INPP5A: variants seen among roughly 807,000 people sequenced by gnomAD.
The protein encoded by INPP5A is inositol polyphosphate-5-phosphatase A, also known as 43 kDa inositol polyphosphate 5-phophatase.
Under a neutral mutation model 65.2 loss-of-function variants are expected in INPP5A, and 14 were observed. That is an observed-to-expected ratio of 0.21 (90% CI 0.14 to 0.34). INPP5A has a LOEUF of 0.34. INPP5A is among the 10% of genes least tolerant of loss of function. The probability of loss-of-function intolerance (pLI) is 1.00; values close to 1 mark genes in which losing one functional copy is unlikely to be tolerated. For missense variants in INPP5A, 431 were observed against 545.6 expected (o/e 0.79, Z 2.09); for synonymous variants, 207 against 208.3 (o/e 0.99, Z 0.05).
At chr10:132,648,272 G>A (rs910893322) in intron 3 of INPP5A, among the ~76,000 whole-genome samples, 10 of 152,388 alleles carry the variant, frequency 6.6e-5, no homozygotes, top group Admixed American at 3.3e-4. Flanking sequence ...GAACGATGCC[G>A]CCGTGTTTGG....
chr10:132,580,228 A>G (rs572069450), intron 1 of INPP5A, among the ~76,000 whole-genome samples: 4 of 152,228 alleles, frequency 2.6e-5, no homozygotes, highest in South Asian at 4.1e-4. Context: ...TCTCACGTCA[A>G]ATTGTAACCC....
At chr10:132,588,645 T>A (rs1299700076) in intron 1 of INPP5A, among the ~76,000 whole-genome samples, 1 of 152,262 alleles carries the variant, frequency 6.6e-6, no homozygotes, top group East Asian at 1.9e-4. Flanking sequence ...CCTTAGCCTG[T>A]GCTGCGTCTA....
chr10:132,777,971 G>C, intron 13 of INPP5A, 189 bp downstream of exon 13: 1 of 1,400,780 alleles, frequency 7.1e-7, no homozygotes, highest in Admixed American at 2.9e-5. Flanking sequence ...CCAGCACCTG[G>C]GCTGGGGCAG....
chr10:132,630,322 A>C (rs1214065601), intron 2 of INPP5A, among the ~76,000 whole-genome samples: 1 of 150,238 alleles, frequency 6.7e-6, no homozygotes, highest in Non-Finnish European at 1.5e-5. Flanking sequence ...CTGTGAGGGG[A>C]GGGTGTCCTC....
rs572695132 is a variant in INPP5A at position 132,575,044 on chromosome 10, C to T, written c.76-32871C>T. Reference sequence around the variant, plus strand: ...CAGCATATGGTCTGCGGAGTCCTCCCGGGGGCTCCGGATTCGGGGTGTCCG... The same window carrying T: ...CAGCATATGGTCTGCGGAGTCCTCCTGGGGGCTCCGGATTCGGGGTGTCCG... On this transcript the variant is annotated intron_variant, in intron 1 of 15. Transcript: ENST00000368594. This position sits in a 1 kb window ranked among gnomAD's most constrained non-coding sequence, Gnocchi z 5.4. Among the ~76,000 whole-genome samples, 12 of 152,236 alleles carry T rather than the reference C, an allele frequency of 7.9e-5. No homozygotes were observed. The highest frequency in any genetic ancestry group is 4.1e-4 in the South Asian group (2 of 4,820).
chr10:132,640,760 T>C (rs73401245), intron 2 of INPP5A, among the ~76,000 whole-genome samples: 4,160 of 152,348 alleles, frequency 0.027, 79 homozygotes, highest in African/African-American at 0.046. Flanking sequence ...TGTCTCTGTA[T>C]ACCTTCTTTT....
In INPP5A at chr10:132,674,531, G is replaced by A. The variant is rs1195322046; in HGVS notation, c.307-15861G>A. ...CAGCTGATCATAGGGAACTTCCCAT[G>A]AGGCCATCGGTGCAGGCTGGGGGAG... is the stretch of plus-strand genomic sequence containing the variant. On this transcript the variant is annotated intron_variant, in intron 4 of 15. Coordinates refer to ENST00000368594, the MANE Select transcript of INPP5A (RefSeq NM_005539.5). This position sits in a 1 kb window ranked among gnomAD's most constrained non-coding sequence, Gnocchi z 4.4. Among the ~76,000 whole-genome samples the A allele has an allele frequency of 1.3e-5, 2 of 152,214 alleles. No homozygotes were observed. The highest frequency in any genetic ancestry group is 2.9e-5 in the Non-Finnish European group (2 of 68,036).
intron 1 of INPP5A, among the ~76,000 whole-genome samples, chr10:132,570,865 A>G (rs2071332319): frequency 6.6e-6 from 1 of 152,070 alleles, no homozygotes; most frequent in Non-Finnish European, 1.5e-5. Flanking sequence ...TGCGATGTGG[A>G]TAGAGGGCCG....
intron 2 of INPP5A, among the ~76,000 whole-genome samples, chr10:132,610,328 T>A (rs2071926907): frequency 6.8e-6 from 1 of 147,450 alleles, no homozygotes; most frequent in Non-Finnish European, 1.5e-5. Context: ...GGGTCCCCTC[T>A]GCCCCTGCAG....
chr10:132,613,606 CAA>C (rs1242764443), intron 2 of INPP5A, among the ~76,000 whole-genome samples: 1 of 152,214 alleles, frequency 6.6e-6, no homozygotes, highest in Non-Finnish European at 1.5e-5. Context: ...AGAGAATTCT[CAA>C]AAGTGAGATT....
chr10:132,719,853 A>G (rs182194501), intron 8 of INPP5A, among the ~76,000 whole-genome samples: 23 of 133,808 alleles, frequency 1.7e-4, no homozygotes, highest in Admixed American at 5.4e-4. Context: ...GTTCTGTGGT[A>G]CCTCGGTTCT....
At chr10:132,592,547 C>T (rs2071631706) in intron 1 of INPP5A, among the ~76,000 whole-genome samples, 1 of 152,152 alleles carries the variant, frequency 6.6e-6, no homozygotes, top group African/African-American at 2.4e-5. Flanking sequence ...TCCCAAGTAG[C>T]TGGGACTACA....
At chr10:132,771,821 T>C (rs1385342246) in intron 12 of INPP5A, among the ~76,000 whole-genome samples, 10 of 110,024 alleles carry the variant, frequency 9.1e-5, no homozygotes, top group East Asian at 2.5e-4. Context: ...AGCCGCCCCG[T>C]GAAGAGTGGG....
At chr10:132,735,035 G>A (rs1005287254) in intron 9 of INPP5A, among the ~76,000 whole-genome samples, 3 of 152,184 alleles carry the variant, frequency 2.0e-5, no homozygotes, top group Non-Finnish European at 2.9e-5. Context: ...CTCCCCAGCC[G>A]TGTGGAGCAG....
At chr10:132,647,912 A>G (rs1288241864) in intron 3 of INPP5A, among the ~76,000 whole-genome samples, 1 of 152,240 alleles carries the variant, frequency 6.6e-6, no homozygotes, top group Admixed American at 6.5e-5. Flanking sequence ...TTTTGGGATG[A>G]GAGATTTCTT....
Position 132,727,023 on chromosome 10 carries a change from C to T in INPP5A, c.732+118C>T. On this transcript the variant is annotated intron_variant, in intron 9 of 15. Coordinates refer to ENST00000368594, the MANE Select transcript of INPP5A (RefSeq NM_005539.5). This position sits in a 1 kb window ranked among gnomAD's most constrained non-coding sequence, Gnocchi z 6.5. ...AATGCCATCCGCCTCCCGGGATGCA[C>T]TTTTTAAGGCAAAACCTTTCAATGA... 1 of 599,184 alleles carries T rather than the reference C, an allele frequency of 1.7e-6. No homozygotes were observed. The allele number at this position is 599,184 out of a possible 1,614,324, so 37.1% of individuals were successfully genotyped here.
intron 4 of INPP5A, among the ~76,000 whole-genome samples, chr10:132,671,606 G>A (rs1021377109): frequency 1.3e-5 from 2 of 152,224 alleles, no homozygotes; most frequent in Non-Finnish European, 2.9e-5. Flanking sequence ...TGTTGGGGCC[G>A]TATTCTGCGG....
intron 8 of INPP5A, among the ~76,000 whole-genome samples, chr10:132,721,441 G>C (rs1234649643): frequency 6.6e-6 from 1 of 151,572 alleles, no homozygotes; most frequent in Non-Finnish European, 1.5e-5. Flanking sequence ...TCAGGGTTCT[G>C]TGGTACCTGG....
chr10:132,559,361 A>G (rs2071171604), intron 1 of INPP5A, among the ~76,000 whole-genome samples: 1 of 152,204 alleles, frequency 6.6e-6, no homozygotes, highest in South Asian at 2.1e-4. Context: ...ATTACTTTTA[A>G]TTAGGACAAA....
Sources: allele counts gnomAD v4.1 joint callset (sites outside exome capture counted in the v4.1 genomes callset), GRCh38; gene constraint gnomAD v4.1.1; non-coding constraint Gnocchi (gnomAD v3.1); transcripts MANE v1.5; gene names NCBI Gene and HGNC (gene_info 2026-07-23, HGNC 2026-07-21).